Variants in RNF213 observed in about 807,000 individuals in gnomAD.
The protein encoded by RNF213 is ring finger protein 213.
RNF213 carries 341 observed loss-of-function variants against 514.4 expected under a neutral mutation model. The observed-to-expected ratio is 0.66, with a 90% CI of 0.61 to 0.73. The LOEUF (loss-of-function observed/expected upper bound fraction) is 0.73, where lower values mean the gene tolerates loss of function less well. Ranked by LOEUF, RNF213 falls within the 30% of genes least tolerant of loss-of-function variation. The pLI is 0.00. For synonymous variants in RNF213, 2,655 were observed against 2,658.2 expected (o/e 1.00, Z 0.04); for missense variants, 5,767 against 6,615.6 (o/e 0.87, Z 4.45).
chr17:80,388,589 A>C, intron 63 of RNF213, 23 bp from the exon 64 acceptor site: 1 of 1,543,314 alleles, frequency 6.5e-7, no homozygotes. Flanking sequence ...AATTTTAAAA[A>C]ACTTTTTTCT....
At chr17:80,380,583 G>A (rs552713122) in intron 55 of RNF213, among the ~76,000 whole-genome samples, 5 of 152,242 alleles carry the variant, frequency 3.3e-5, no homozygotes, top group South Asian at 4.2e-4. Flanking sequence ...CACCCTGCCC[G>A]GGGATCAGCA....
At chr17:80,320,074 G>T in intron 17 of RNF213, 1 of 972,168 alleles carries the variant, frequency 1.0e-6, no homozygotes, top group Non-Finnish European at 1.2e-6. Flanking sequence ...TTCCAGTTCA[G>T]CAGGTTTTGG....
Position 80,388,718 on chromosome 17 carries a change from CG to C in RNF213, c.15000+33del. On this transcript the variant is annotated intron_variant, in intron 64 of 67. Coordinates refer to ENST00000582970, the MANE Select transcript of RNF213 (RefSeq NM_001256071.3). ...ATCCCGATAAACCTGATCCTGTGCA[CG>C]GGGCTTTCTGCCTTCTCAGTGTGTT... 3 of 1,507,772 alleles carry C rather than the reference CG, an allele frequency of 2.0e-6. No individual in the cohort carries two copies. In the South Asian group the frequency reaches 3.4e-5, roughly 17 times the overall value. The allele number at this position is 1,507,772 out of a possible 1,614,324, so 93.4% of individuals were successfully genotyped here.
chr17:80,391,759 C>CTT (rs2080480704), intron 67 of RNF213, among the ~76,000 whole-genome samples: 1 of 132,286 alleles, frequency 7.6e-6, no homozygotes, highest in Non-Finnish European at 1.6e-5. Flanking sequence ...TATAAACTAG[C>CTT]CTTTTTTTTT....
At position 80,263,894 on chromosome 17, in the gene RNF213, CCTCTGTGGCTACTGAGG is replaced by C. The variant is rs898585718; in HGVS notation, c.97+127_97+143del. 7.4e-5 allele frequency: 58 copies of C among 785,586 alleles called. No individual in the cohort carries two copies. In the East Asian group the frequency reaches 1.4e-3, roughly 20 times the overall value. 48.7% of individuals were successfully genotyped at this position (785,586 alleles called of 1,614,324 possible). A position where few individuals can be genotyped will look rare whatever the true frequency, so the allele number is the denominator to read the frequency against. On this transcript the variant is annotated intron_variant, in intron 2 of 67. Transcript: ENST00000582970. The surrounding 1 kb of genome is among the most constrained non-coding windows in gnomAD (Gnocchi z 4.9). ...CAGGCAGCTCAGGTGGGGCCGAGGT[CCTCTGTGGCTACTGAGG>C]CTCTGTGGCTCTGAATAGCCATCTC...
At position 80,307,170 on chromosome 17, in the gene RNF213, C is replaced by A. The variant is rs558528237; in HGVS notation, c.2470C>A (p.Leu824Met). ...VQNVQNILEM[L>M]LRLLDTYRDK... Reference sequence around the variant, plus strand: ...GAACGTTCAGAACATTTTAGAAATGCTGTTGCGACTCCTGGACACTTACCG... The same window carrying A: ...GAACGTTCAGAACATTTTAGAAATGATGTTGCGACTCCTGGACACTTACCG... The change falls in exon 13 of 68, where the codon CTG (leucine) becomes ATG (methionine). Residue 824 changes from leucine (L) to methionine (M), a missense_variant. By Grantham distance (15) the Leu-to-Met change is conservative (BLOSUM62 2). Transcript: ENST00000582970. 1.2e-6 allele frequency: 2 copies of A among 1,613,716 alleles called. No homozygotes were observed. Among genetic ancestry groups the A allele is most frequent in the Admixed American group, 3.3e-5 (2 of 59,966 alleles).
intron 14 of RNF213, among the ~76,000 whole-genome samples, chr17:80,311,575 T>G (rs2045575454): frequency 6.6e-6 from 1 of 152,182 alleles, no homozygotes; most frequent in Non-Finnish European, 1.5e-5. Context: ...TCCTGGTCCC[T>G]CTTACATGCT....
intron 57 of RNF213, 36 bp from the exon 58 acceptor site, chr17:80,382,943 C>T (rs753846164): frequency 7.5e-7 from 1 of 1,339,526 alleles, no homozygotes; most frequent in Admixed American, 1.7e-5. Flanking sequence ...GTTCTTTGTG[C>T]CTTGGGTAAC....
chr17:80,362,350 T>G (rs2144381896), intron 39 of RNF213, among the ~76,000 whole-genome samples: 1 of 152,336 alleles, frequency 6.6e-6, no homozygotes, highest in South Asian at 2.1e-4. Context: ...AGGTTAATAT[T>G]CTTAGGAATC....
At chr17:80,362,916 G>A (rs780333518) in intron 39 of RNF213, among the ~76,000 whole-genome samples, 186 bp from the exon 40 acceptor site, 5 of 152,196 alleles carry the variant, frequency 3.3e-5, no homozygotes, top group Admixed American at 6.5e-5. Flanking sequence ...AAGCCCAGAC[G>A]ACACGGTGAC....
chr17:80,349,034 G>T (rs1349720841), intron 29 of RNF213, among the ~76,000 whole-genome samples: 1 of 152,152 alleles, frequency 6.6e-6, no homozygotes, highest in East Asian at 1.9e-4. Flanking sequence ...CAAAGGAGAG[G>T]AGCAGATGGA....
chr17:80,296,882 A>T (rs1327753939), intron 10 of RNF213, among the ~76,000 whole-genome samples: 1 of 151,498 alleles, frequency 6.6e-6, no homozygotes, highest in African/African-American at 2.4e-5. Flanking sequence ...GGGTTTCACC[A>T]TGTTGCCACG....
chr17:80,319,514 C>T (rs1458485338), intron 17 of RNF213: 3 of 1,613,308 alleles, frequency 1.9e-6, no homozygotes, highest in Non-Finnish European at 2.5e-6. Context: ...CTGCACAGTC[C>T]CTGCTGCTCG....
chr17:80,391,424 T>C (rs1239200280), intron 67 of RNF213, among the ~76,000 whole-genome samples: 1 of 151,848 alleles, frequency 6.6e-6, no homozygotes, highest in Non-Finnish European at 1.5e-5. Context: ...GTGCCAACCA[T>C]CACGCCCAGC....
In RNF213 at chr17:80,345,115, A is replaced by G; in HGVS notation, c.6780A>G (p.Arg2260=). 1 of 1,614,088 alleles carries G rather than the reference A, an allele frequency of 6.2e-7. No individual in the cohort carries two copies. The highest frequency in any genetic ancestry group is 8.5e-7 in the Non-Finnish European group (1 of 1,180,006). The change falls in exon 29 of 68, where the codon AGA becomes AGG. Residue 2260 remains arginine, a synonymous_variant. Transcript: ENST00000582970. The surrounding 1 kb of genome is among the most constrained non-coding windows in gnomAD (Gnocchi z 6.0). ...FVVTFMIFMA[R]DFATPSLHTS... ...TGACCTTCATGATCTTTATGGCAAGAGATTTTGCCACACCATCACTCCACA... is the reference window on the plus strand; with the variant it reads ...TGACCTTCATGATCTTTATGGCAAGGGATTTTGCCACACCATCACTCCACA...
chr17:80,371,757 T>C (rs1202029914), intron 46 of RNF213, 117 bp from the exon 47 acceptor site: 2 of 658,480 alleles, frequency 3.0e-6, no homozygotes, highest in East Asian at 5.5e-5. Context: ...TATATGTATG[T>C]ATATGTTTAT....
chr17:80,324,338 G>A (rs756051971), intron 17 of RNF213, among the ~76,000 whole-genome samples: 12 of 151,956 alleles, frequency 7.9e-5, no homozygotes, highest in Admixed American at 2.0e-4. Flanking sequence ...TGCTTTTCCC[G>A]TATCTACTGA....
chr17:80,343,842 C>T lies in RNF213; in HGVS notation c.6184-15C>T, dbSNP rs140329743. On this transcript the variant is annotated splice_polypyrimidine_tract_variant and intron_variant, in intron 27 of 67. Transcript: ENST00000582970. The surrounding 1 kb of genome is among the most constrained non-coding windows in gnomAD (Gnocchi z 4.3). ...TCGTGTCGTGTGTTTACACCTCGTG[C>T]GATTCTGTTCTTAGGTGCAGACTGG... The T allele has an allele frequency of 1.1e-4, 173 of 1,613,914 alleles. No homozygotes were observed. Among genetic ancestry groups the T allele is most frequent in the South Asian group, 1.8e-4 (16 of 91,064 alleles).
At chr17:80,360,681 G>C (rs544517660) in intron 38 of RNF213, among the ~76,000 whole-genome samples, 2 of 152,172 alleles carry the variant, frequency 1.3e-5, no homozygotes, top group African/African-American at 4.8e-5. Flanking sequence ...TGTGTCTCCC[G>C]AGTCACAGCC....
Sources: allele counts gnomAD v4.1 joint callset (sites outside exome capture counted in the v4.1 genomes callset), GRCh38; gene constraint gnomAD v4.1.1; non-coding constraint Gnocchi (gnomAD v3.1); transcripts MANE v1.5; gene names NCBI Gene and HGNC (gene_info 2026-07-23, HGNC 2026-07-21).